NPC1: variants seen among roughly 807,000 people sequenced by gnomAD.
NPC1 encodes Niemann-Pick C1 protein.
A neutral mutation model predicts 140.4 loss-of-function variants in NPC1; 85 were observed. The observed-to-expected ratio is 0.61, with a 90% CI of 0.51 to 0.72. NPC1 has a LOEUF of 0.72. NPC1 is among the 30% of genes least tolerant of loss of function. The probability of loss-of-function intolerance (pLI) is 0.00; values close to 1 mark genes in which losing one functional copy is unlikely to be tolerated. For synonymous variants in NPC1, 656 were observed against 624.8 expected (o/e 1.05, Z -0.74); for missense variants, 1,504 against 1,623.8 (o/e 0.93, Z 1.27).
chr18:23,564,909 A>G (rs2059100548), intron 4 of NPC1, among the ~76,000 whole-genome samples: 1 of 152,144 alleles, frequency 6.6e-6, no homozygotes, highest in Admixed American at 6.5e-5. Flanking sequence ...GTATCCAGTT[A>G]TTGCAGCACC....
At chr18:23,576,300 A>G (rs1026773183) in intron 1 of NPC1, among the ~76,000 whole-genome samples, 1 of 152,184 alleles carries the variant, frequency 6.6e-6, no homozygotes, top group Non-Finnish European at 1.5e-5. Context: ...ACATGCCCAT[A>G]GTCCCAGCTA....
chr18:23,518,819 C>A, downstream of NPC1: 2 of 1,368,874 alleles, frequency 1.5e-6, no homozygotes, highest in Non-Finnish European at 2.1e-6. Flanking sequence ...TTTACTTAAC[C>A]GTGATGCCAT....
At chr18:23,519,897 G>A (rs1053484791), downstream of NPC1, among the ~76,000 whole-genome samples, 12 of 152,144 alleles carry the variant, frequency 7.9e-5, no homozygotes, top group African/African-American at 2.7e-4. Flanking sequence ...GGGTGGTGAC[G>A]CTAACTCTGT....
intron 21 of NPC1, 132 bp downstream of exon 21, chr18:23,536,541 C>T: frequency 1.4e-6 from 1 of 734,570 alleles, no homozygotes. Context: ...TGATATACTG[C>T]CCTGTGCTCA....
In NPC1 at chr18:23,540,119, T is replaced by C. The variant is rs547355450; in HGVS notation, c.2605-118A>G. 5.8e-6 allele frequency: 5 copies of C among 854,872 alleles called. No individual in the cohort carries two copies. In the African/African-American group the frequency reaches 8.3e-5, roughly 14 times the overall value. The allele number at this position is 854,872 out of a possible 1,614,324, so 53.0% of individuals were successfully genotyped here. A position where few individuals can be genotyped will look rare whatever the true frequency, so the allele number is the denominator to read the frequency against. On this transcript the variant is annotated intron_variant, in intron 17 of 24. Transcript: ENST00000269228. Reference sequence around the variant, plus strand: ...GGTTCCTGGCTGAGATGCCTCCAGCTGGACTCATGATTCCTAACACCACCA... The same window carrying C: ...GGTTCCTGGCTGAGATGCCTCCAGCCGGACTCATGATTCCTAACACCACCA...
intron 14 of NPC1, 45 bp from the exon 15 acceptor site, chr18:23,541,478 G>A (rs1028220451): frequency 6.2e-7 from 1 of 1,613,506 alleles, no homozygotes; most frequent in Non-Finnish European, 8.5e-7. Context: ...TTTACAGCCG[G>A]GGGCTCTCTG....
intron 3 of NPC1, among the ~76,000 whole-genome samples, chr18:23,515,177 A>C (rs1330289424): frequency 3.9e-5 from 6 of 152,122 alleles, no homozygotes; most frequent in Non-Finnish European, 4.4e-5. Context: ...AATTTGTTGT[A>C]AATTGCTCTT....
intron 1 of NPC1, among the ~76,000 whole-genome samples, chr18:23,584,508 A>C (rs553288320): frequency 4.6e-5 from 7 of 152,326 alleles, no homozygotes; most frequent in East Asian, 1.9e-4. Flanking sequence ...GTCATAAAAG[A>C]AGCACTCATT....
intron 4 of NPC1, among the ~76,000 whole-genome samples, chr18:23,566,461 T>C (rs2059125145): frequency 1.3e-5 from 2 of 152,082 alleles, no homozygotes; most frequent in Admixed American, 1.3e-4. Context: ...TAATGCACTA[T>C]AGGCCAGGTG....
At chr18:23,521,456 G>A (rs889473561), downstream of NPC1, among the ~76,000 whole-genome samples, 2 of 152,194 alleles carry the variant, frequency 1.3e-5, no homozygotes, top group Non-Finnish European at 2.9e-5. Flanking sequence ...GTGTGACAGT[G>A]ATGATGAATA....
chr18:23,554,185 G>A (rs1408079625), intron 9 of NPC1, among the ~76,000 whole-genome samples: 1 of 152,078 alleles, frequency 6.6e-6, no homozygotes, highest in Non-Finnish European at 1.5e-5. Flanking sequence ...CTCCCTTTGT[G>A]CACATCTCCA....
At position 23,561,500 on chromosome 18, in the gene NPC1, T is replaced by G. The variant is rs1359459786; in HGVS notation, c.491A>C (p.Glu164Ala). The change falls in exon 5 of 25, where the codon GAG (glutamate) becomes GCG (alanine). Residue 164 changes from glutamate (E) to alanine (A), a missense_variant. Physicochemically the swap from Glu to Ala is moderately radical, Grantham distance 107. Transcript: ENST00000269228. ...NAMYNACRDV[E>A]APSSNDKALG... ...GGCCTTGTCATTACTTGAGGGGGCC[T>G]CCACATCCCGGCAGGCATTGTACAT... The G allele has an allele frequency of 6.2e-7, 1 of 1,614,004 alleles. No homozygotes were observed. Among genetic ancestry groups the G allele is most frequent in the Admixed American group, 1.7e-5 (1 of 59,994 alleles).
chr18:23,585,608 G>T (rs1011486933), intron 1 of NPC1, among the ~76,000 whole-genome samples: 15 of 152,172 alleles, frequency 9.9e-5, no homozygotes, highest in Admixed American at 3.3e-4. Context: ...CAAATACTGA[G>T]GTGCTCTTTC....
In NPC1 at chr18:23,557,213, T is replaced by C. The variant is rs1284044342; in HGVS notation, c.882-23A>G. On this transcript the variant is annotated intron_variant, in intron 6 of 24. Transcript: ENST00000269228. ...TTTCTGAAAAACAGAAGTGAAGAAA[T>C]AGCATTAGTGGACTTCATCACAGTG... 4.4e-6 allele frequency: 7 copies of C among 1,575,256 alleles called. No homozygotes were observed. In the South Asian group the frequency reaches 6.6e-5, roughly 15 times the overall value.
chr18:23,513,927 T>A (rs993548056), intron 3 of NPC1, among the ~76,000 whole-genome samples: 1 of 152,230 alleles, frequency 6.6e-6, no homozygotes, highest in Non-Finnish European at 1.5e-5. Flanking sequence ...TATTAACACC[T>A]TCTTAGAGAT....
intron 23 of NPC1, chr18:23,533,913 G>A (rs2058582898): frequency 3.0e-6 from 1 of 333,054 alleles, no homozygotes; most frequent in Non-Finnish European, 5.7e-6. Flanking sequence ...TGGGGGAGAG[G>A]TATGACCAAG....
At chr18:23,544,559 G>A (rs747960562) in intron 12 of NPC1, 33 bp from the exon 13 acceptor site, 5 of 1,603,936 alleles carry the variant, frequency 3.1e-6, no homozygotes, top group Non-Finnish European at 3.4e-6. Context: ...TCACCAATTA[G>A]TTACAGGGTT....
intron 1 of NPC1, among the ~76,000 whole-genome samples, chr18:23,586,085 C>T (rs961678357): frequency 6.6e-6 from 1 of 152,260 alleles, no homozygotes; most frequent in African/African-American, 2.4e-5. Flanking sequence ...ACCCAAGCCC[C>T]CACTGCCACC....
chr18:23,554,157 G>A (rs1468629126), intron 9 of NPC1, among the ~76,000 whole-genome samples: 1 of 152,080 alleles, frequency 6.6e-6, no homozygotes, highest in Non-Finnish European at 1.5e-5. Flanking sequence ...CCTGTGATGT[G>A]CCCAGCTGTC....
Sources: allele counts gnomAD v4.1 joint callset (sites outside exome capture counted in the v4.1 genomes callset), GRCh38; gene constraint gnomAD v4.1.1; transcripts MANE v1.5; gene names NCBI Gene and HGNC (gene_info 2026-07-23, HGNC 2026-07-21).